The following AGK variants were observed in gnomAD, a reference collection of about 807,000 sequenced individuals.
AGK encodes the protein acylglycerol kinase, also known as acylglycerol kinase, mitochondrial.
In AGK, 52 loss-of-function variants were observed where a neutral mutation model predicts 66.4. That is an observed-to-expected ratio of 0.78 (90% confidence interval 0.63 to 0.99). AGK has a LOEUF of 0.99. Ranked by LOEUF, AGK falls within the 50% of genes least tolerant of loss-of-function variation. The probability of loss-of-function intolerance (pLI) is 0.00; values close to 1 mark genes in which losing one functional copy is unlikely to be tolerated. For missense variants in AGK, 451 were observed against 506.6 expected (o/e 0.89, Z 1.05); for synonymous variants, 182 against 181.1 (o/e 1.00, Z -0.04).
rs1797283613 is a variant in AGK, at chr7:141,641,331, A to T, written c.810A>T (p.Val270=). The change falls in exon 12 of 16, where the codon GTA becomes GTT. Residue 270 remains valine (V), a synonymous_variant. Coordinates refer to ENST00000649286, the MANE Select transcript of AGK (RefSeq NM_018238.4). ...RPPNEPEETP[V]QRPSLYRRIL... ...CCAATGAACCAGAGGAGACCCCTGT[A>T]CAAAGGCCTTCTTTGTACAGGAGAA... 6.2e-7 allele frequency: 1 copy of T among 1,613,958 alleles called. No homozygotes were observed. Among genetic ancestry groups the T allele is most frequent in the East Asian group, 2.2e-5 (1 of 44,890 alleles).
At chr7:141,568,621 G>T (rs1477310128) in intron 2 of AGK, among the ~76,000 whole-genome samples, 1 of 151,324 alleles carries the variant, frequency 6.6e-6, no homozygotes, top group African/African-American at 2.4e-5. Context: ...ACCCAGGCTG[G>T]AGTGCAGTGA....
rs746557671 is a variant in AGK, at chr7:141,611,277, C to T, written c.380C>T (p.Thr127Ile). The change falls in exon 6 of 16, where the codon ACA becomes ATA. Residue 127 changes from threonine (T) to isoleucine (I), a missense_variant. Transcript: ENST00000649286. ...DVIIVAGGDG[T>I]LQEVVTGVLR... ...ATCATTGTTGCAGGAGGAGATGGGA[C>T]ACTGCAGGAGGTATGACTGTTTTTC... 3.7e-6 allele frequency: 6 copies of T among 1,611,562 alleles called. No individual in the cohort carries two copies. The Admixed American group carries it at 1.0e-4, about 27-fold the overall frequency.
chr7:141,618,676 G>T (rs1452299453), intron 8 of AGK, among the ~76,000 whole-genome samples: 1 of 152,054 alleles, frequency 6.6e-6, no homozygotes, highest in Non-Finnish European at 1.5e-5. Flanking sequence ...ATGTTTTGTA[G>T]TCATTCAAAT....
At chr7:141,615,392 G>A (rs948007427) in intron 7 of AGK, 79 bp from the exon 8 acceptor site, 23 of 1,129,106 alleles carry the variant, frequency 2.0e-5, no homozygotes, top group Non-Finnish European at 3.0e-5. Context: ...ATTTGTCATA[G>A]TGGACACACC....
At chr7:141,644,078 G>A (rs902066528) in intron 13 of AGK, among the ~76,000 whole-genome samples, 3 of 146,836 alleles carry the variant, frequency 2.0e-5, no homozygotes, top group African/African-American at 7.4e-5. Flanking sequence ...ACTGGTGAAA[G>A]TGGATATGTG....
chr7:141,651,648 C>T (rs754379799), intron 15 of AGK, 39 bp downstream of exon 15: 6 of 1,568,912 alleles, frequency 3.8e-6, no homozygotes, highest in East Asian at 2.2e-5. Flanking sequence ...GCATTTGATT[C>T]GTTCGTCATC....
In AGK at chr7:141,611,267, G is replaced by A. The variant is rs771772924; in HGVS notation, c.370G>A (p.Gly124Arg). 6.2e-7 allele frequency: 1 copy of A among 1,613,088 alleles called. No individual in the cohort carries two copies. Among genetic ancestry groups the A allele is most frequent in the South Asian group, 1.1e-5 (1 of 90,964 alleles). ...CACGGATGTGATCATTGTTGCAGGA[G>A]GAGATGGGACACTGCAGGAGGTATG... Reference protein sequence around the residue: ...ENTDVIIVAGGDGTLQEVVTG... With the variant: ...ENTDVIIVAGRDGTLQEVVTG... Residue 124 changes from glycine to arginine, a missense_variant, in exon 6 of 16, where the codon GGA becomes AGA. Coordinates refer to ENST00000649286, the MANE Select transcript of AGK (RefSeq NM_018238.4).
At chr7:141,557,571 A>T (rs144120379) in intron 2 of AGK, among the ~76,000 whole-genome samples, 2 of 152,356 alleles carry the variant, frequency 1.3e-5, no homozygotes, top group Admixed American at 1.3e-4. Flanking sequence ...ATGTCTTTAG[A>T]GGAACCATGA....
chr7:141,611,319 GA>G (rs1796584793), intron 6 of AGK, 32 bp downstream of exon 6: 1 of 1,513,624 alleles, frequency 6.6e-7, no homozygotes, highest in Non-Finnish European at 9.1e-7. Context: ...AAGCTATTTT[GA>G]AGGTGAGAAA....
intron 2 of AGK, among the ~76,000 whole-genome samples, chr7:141,576,735 T>C (rs893186073): frequency 6.6e-6 from 1 of 151,862 alleles, no homozygotes; most frequent in Non-Finnish European, 1.5e-5. Flanking sequence ...GAGTTCACTA[T>C]ATCTAACAAA....
At chr7:141,583,883 A>C (rs1311729681) in intron 2 of AGK, among the ~76,000 whole-genome samples, 1 of 151,674 alleles carries the variant, frequency 6.6e-6, no homozygotes, top group Non-Finnish European at 1.5e-5. Context: ...AGAGAGTAAA[A>C]AGAGGCCGCT....
At chr7:141,583,743 G>A (rs1051493783) in intron 2 of AGK, among the ~76,000 whole-genome samples, 6 of 151,812 alleles carry the variant, frequency 4.0e-5, no homozygotes, top group Admixed American at 6.6e-5. Flanking sequence ...TTGGGTTCAC[G>A]GATAAAACAT....
chr7:141,607,724 C>A (rs1005112468), intron 5 of AGK, among the ~76,000 whole-genome samples: 4 of 151,998 alleles, frequency 2.6e-5, no homozygotes, highest in African/African-American at 9.7e-5. Context: ...ACCCCAAGAT[C>A]ACTTAAATTC....
chr7:141,590,697 C>T (rs929747261), intron 2 of AGK, among the ~76,000 whole-genome samples: 5 of 152,130 alleles, frequency 3.3e-5, no homozygotes, highest in Admixed American at 2.6e-4. Context: ...TAATTATTTT[C>T]AAGATATTTC....
At position 141,652,974 on chromosome 7, in the gene AGK, C is replaced by T; in HGVS notation, c.*50C>T. 1 of 1,606,550 alleles carries T rather than the reference C, an allele frequency of 6.2e-7. No homozygotes were observed. The highest frequency in any genetic ancestry group is 8.5e-7 in the Non-Finnish European group (1 of 1,176,462). On this transcript the variant is annotated 3_prime_UTR_variant, in exon 16 of 16. Coordinates refer to ENST00000649286, the MANE Select transcript of AGK (RefSeq NM_018238.4). ...ACCACACTTTAGGCCACCGGTGGGA[C>T]CAAAAGGGAACAGGTGCCTCAGCCA...
At chr7:141,558,304 C>T (rs954783595) in intron 2 of AGK, among the ~76,000 whole-genome samples, 10 of 151,336 alleles carry the variant, frequency 6.6e-5, no homozygotes, top group African/African-American at 1.5e-4. Flanking sequence ...ACTACAGGCG[C>T]GTGCACCATG....
chr7:141,568,598 G>A (rs1562960252), intron 2 of AGK, among the ~76,000 whole-genome samples: 1 of 148,126 alleles, frequency 6.8e-6, no homozygotes, highest in African/African-American at 2.5e-5. Flanking sequence ...TTGAGACACA[G>A]TCTCACTCTG....
intron 2 of AGK, among the ~76,000 whole-genome samples, chr7:141,557,130 T>C (rs1795225693): frequency 6.6e-6 from 1 of 152,332 alleles, no homozygotes; most frequent in Admixed American, 6.5e-5. Context: ...AGTCTCCACA[T>C]TGGAAAAGAG....
At chr7:141,604,479 C>G (rs1796413204) in intron 5 of AGK, among the ~76,000 whole-genome samples, 1 of 149,460 alleles carries the variant, frequency 6.7e-6, no homozygotes, top group African/African-American at 2.5e-5. Context: ...GTTCCTTTAT[C>G]TCTAAATATC....
Sources: allele counts gnomAD v4.1 joint callset (sites outside exome capture counted in the v4.1 genomes callset), GRCh38; gene constraint gnomAD v4.1.1; transcripts MANE v1.5; gene names NCBI Gene and HGNC (gene_info 2026-07-23, HGNC 2026-07-21).